FAM161B: variants seen among roughly 807,000 people sequenced by gnomAD.
The protein encoded by FAM161B is FAM161 centrosomal protein B.
A neutral mutation model predicts 61.5 loss-of-function variants in FAM161B; 46 were observed. The observed-to-expected ratio is 0.75, with a 90% CI of 0.59 to 0.96. FAM161B has a LOEUF of 0.96. FAM161B is among the 40% of genes least tolerant of loss of function. The probability of loss-of-function intolerance (pLI) is 0.00; values close to 1 mark genes in which losing one functional copy is unlikely to be tolerated. For missense variants in FAM161B, 774 were observed against 800.7 expected (o/e 0.97, Z 0.40); for synonymous variants, 284 against 302.7 (o/e 0.94, Z 0.64).
rs2055950211 is a variant in FAM161B at position 73,934,107 on chromosome 14, C to T, written c.*149G>A. On this transcript the variant is annotated 3_prime_UTR_variant, in exon 9 of 9. Coordinates refer to ENST00000286544, the MANE Select transcript of FAM161B (RefSeq NM_152445.3). The stretch of plus-strand genomic sequence containing the variant: ...AAAGTGTTGGGATTACAGGCGTGAG[C>T]CACTGCGCCTGGCCTGTTAATCTGC... 4.5e-6 allele frequency: 4 copies of T among 897,840 alleles called. No individual in the cohort carries two copies. Among genetic ancestry groups the T allele is most frequent in the East Asian group, 5.7e-5 (2 of 35,168 alleles). 55.6% of individuals were successfully genotyped at this position (897,840 alleles called of 1,614,324 possible). A position where few individuals can be genotyped will look rare whatever the true frequency, so the allele number is the denominator to read the frequency against.
Position 73,942,611 on chromosome 14 carries a change from G to T in FAM161B, c.1030C>A (p.Pro344Thr). 6.2e-7 allele frequency: 1 copy of T among 1,614,220 alleles called. No individual in the cohort carries two copies. Among genetic ancestry groups the T allele is most frequent in the Non-Finnish European group, 8.5e-7 (1 of 1,180,040 alleles). ...TGCTGGGTTCGGGTGGCTGTGCGGG[G>T]CTGTGGGTTAGCCCGGTTACTAGAG... ...ASSSNRANPQ[P>T]RTATRTQQEK... is the part of the protein sequence containing the mutation. Residue 344 changes from proline (P) to threonine (T), a missense_variant, in exon 4 of 9, where the codon CCC becomes ACC. Pro to Thr is a conservative substitution (Grantham distance 38, BLOSUM62 -1). Coordinates refer to ENST00000286544, the MANE Select transcript of FAM161B (RefSeq NM_152445.3).
intron 1 of FAM161B, 25 bp from the exon 2 acceptor site, chr14:73,946,630 T>C: frequency 1.3e-6 from 2 of 1,594,240 alleles, no homozygotes; most frequent in Non-Finnish European, 1.7e-6. Context: ...AAATAGGCTG[T>C]GGGTCAAACA....
rs1157305909 is a variant in FAM161B, at chr14:73,944,766, C to A, written c.494G>T (p.Trp165Leu). Residue 165 changes from tryptophan to leucine, a missense_variant, in exon 3 of 9, where the codon TGG becomes TTG. Coordinates refer to ENST00000286544, the MANE Select transcript of FAM161B (RefSeq NM_152445.3). ...CCGAGGGACAGTAATGGATGATGCCCAGGAGCTGACGCTTCTGTGCTGGGA... is the reference window on the plus strand; with the variant it reads ...CCGAGGGACAGTAATGGATGATGCCAAGGAGCTGACGCTTCTGTGCTGGGA... ...PPSQHRSVSSWASSITVPRPF... is the reference protein window; with the variant it reads ...PPSQHRSVSSLASSITVPRPF... 5 of 1,592,652 alleles carry A rather than the reference C, an allele frequency of 3.1e-6. No homozygotes were observed. Among genetic ancestry groups the A allele is most frequent in the Non-Finnish European group, 4.3e-6 (5 of 1,166,828 alleles).
rs1249482056 is a variant in FAM161B, at chr14:73,934,374, A to G, written c.1826T>C (p.Leu609Pro). Reference sequence around the variant, plus strand: ...ACCCTGCTCTGGATCTCTGATGCTGAGTTTTGTAGTTTCTTGGAACCTGCA... The same window carrying G: ...ACCCTGCTCTGGATCTCTGATGCTGGGTTTTGTAGTTTCTTGGAACCTGCA... Reference protein sequence around the residue: ...DFPRFQETTKLSIRDPEQGLE... With the variant: ...DFPRFQETTKPSIRDPEQGLE... The change falls in exon 9 of 9, where the codon CTC becomes CCC. Residue 609 changes from leucine to proline, a missense_variant. By Grantham distance (98) the Leu-to-Pro change is moderately conservative (BLOSUM62 -3). Transcript: ENST00000286544. 1.2e-6 allele frequency: 2 copies of G among 1,601,528 alleles called. No individual in the cohort carries two copies. Among genetic ancestry groups the G allele is most frequent in the Non-Finnish European group, 1.7e-6 (2 of 1,176,994 alleles).
intron 8 of FAM161B, among the ~76,000 whole-genome samples, chr14:73,935,070 A>AAAG (rs112614061): frequency 1.5e-4 from 23 of 150,170 alleles, no homozygotes; most frequent in Admixed American, 2.0e-4. Context: ...TCAAAAAAAA[A>AAAG]AGTCTCAACA....
chr14:73,923,484 T>C, the FAM161B span: 1 of 1,613,744 alleles, frequency 6.2e-7, no homozygotes, highest in African/African-American at 1.3e-5. Context: ...GAGGCAATCA[T>C]ATGAAGTTTC....
rs1188518403 is a variant in FAM161B, at chr14:73,948,904, C to T, written c.54+1069G>A. 3.3e-5 allele frequency among the ~76,000 whole-genome samples: 5 copies of T among 151,956 alleles called. No individual in the cohort carries two copies. In the East Asian group the frequency reaches 7.7e-4, roughly 23 times the overall value. On this transcript the variant is annotated intron_variant, in intron 1 of 8. Coordinates refer to ENST00000286544, the MANE Select transcript of FAM161B (RefSeq NM_152445.3). ...TGGCTGGTGGATCACTGGAGGCACG[C>T]GCCACCACACCTGGCTAATTTTTTT...
downstream of FAM161B, chr14:73,931,398 C>T (rs1409182295): frequency 4.2e-6 from 4 of 957,030 alleles, no homozygotes; most frequent in African/African-American, 6.6e-5. Context: ...TCATTCACCC[C>T]TGTAGTGCAT....
At chr14:73,923,401 T>C in the FAM161B span, 19 of 1,613,172 alleles carry the variant, frequency 1.2e-5, 1 homozygote, top group South Asian at 1.7e-4. Flanking sequence ...ACAGAGGTGC[T>C]TGCTGAAGGA....
chr14:73,931,853 C>G (rs898419334), downstream of FAM161B: 1 of 436,778 alleles, frequency 2.3e-6, no homozygotes, highest in African/African-American at 2.0e-5. Flanking sequence ...GTTCTTCATT[C>G]TGACTGTTGA....
intron 1 of FAM161B, among the ~76,000 whole-genome samples, chr14:73,947,380 C>G (rs34302977): frequency 9.7e-6 from 1 of 103,564 alleles, no homozygotes; most frequent in Non-Finnish European, 1.9e-5. Flanking sequence ...AGTGATGCTC[C>G]GTCTCAAAAA....
At chr14:73,937,775 G>A in intron 6 of FAM161B, 74 bp from the exon 7 acceptor site, 1 of 1,569,710 alleles carries the variant, frequency 6.4e-7, no homozygotes. Flanking sequence ...CAGTAAAGCA[G>A]TGTAACTCTC....
chr14:73,940,051 A>G (rs2140344891), intron 5 of FAM161B, among the ~76,000 whole-genome samples: 1 of 152,282 alleles, frequency 6.6e-6, no homozygotes, highest in South Asian at 2.1e-4. Context: ...CTCTTCTACA[A>G]TCCCTGCTGT....
chr14:73,942,267 A>G, intron 4 of FAM161B, 102 bp downstream of exon 4: 1 of 1,220,834 alleles, frequency 8.2e-7, no homozygotes, highest in Non-Finnish European at 1.1e-6. Context: ...TTTAAAAAAA[A>G]GATAGGAAAA....
Position 73,934,102 on chromosome 14 carries a change from G to A in FAM161B, c.*154C>T, listed in dbSNP as rs1175155240. The A allele has an allele frequency of 7.0e-6, 6 of 855,494 alleles. No individual in the cohort carries two copies. The highest frequency in any genetic ancestry group is 3.0e-5 in the Admixed American group (1 of 32,848). 53.0% of individuals were successfully genotyped at this position (855,494 alleles called of 1,614,324 possible). On this transcript the variant is annotated 3_prime_UTR_variant, in exon 9 of 9. Coordinates refer to ENST00000286544, the MANE Select transcript of FAM161B (RefSeq NM_152445.3). The stretch of plus-strand genomic sequence containing the variant: ...CTCCCAAAGTGTTGGGATTACAGGC[G>A]TGAGCCACTGCGCCTGGCCTGTTAA...
chr14:73,941,893 A>C (rs952027480), intron 4 of FAM161B, among the ~76,000 whole-genome samples: 17 of 152,136 alleles, frequency 1.1e-4, no homozygotes, highest in African/African-American at 4.1e-4. Context: ...TTTAGTAGAG[A>C]TGGGGTTTTG....
chr14:73,923,266 T>G, the FAM161B span: 6 of 1,092,380 alleles, frequency 5.5e-6, no homozygotes, highest in Admixed American at 6.7e-5. Flanking sequence ...AGGATTAACT[T>G]GGAAGAAATA....
At chr14:73,926,342 T>C in the FAM161B span, among the ~76,000 whole-genome samples, 1 of 151,726 alleles carries the variant, frequency 6.6e-6, no homozygotes, top group Non-Finnish European at 1.5e-5. Flanking sequence ...GTATATTGCA[T>C]TTGTTTAATA....
At chr14:73,947,965 G>GT (rs2056080553) in intron 1 of FAM161B, among the ~76,000 whole-genome samples, 1 of 151,958 alleles carries the variant, frequency 6.6e-6, no homozygotes, top group African/African-American at 2.4e-5. Context: ...TGTCACCCAG[G>GT]TTCTGGAGTG....
Sources: allele counts gnomAD v4.1 joint callset (sites outside exome capture counted in the v4.1 genomes callset), GRCh38; gene constraint gnomAD v4.1.1; transcripts MANE v1.5; gene names NCBI Gene and HGNC (gene_info 2026-07-23, HGNC 2026-07-21).